The following BTBD16 variants were observed in gnomAD, a reference collection of about 807,000 sequenced individuals.
BTBD16 encodes the protein BTB domain containing 16.
BTBD16 carries 66 observed loss-of-function variants against 67.4 expected under a neutral mutation model. That is an observed-to-expected ratio of 0.98 (90% CI 0.80 to 1.20). BTBD16 has a LOEUF of 1.20. BTBD16 is among the 50% of genes most tolerant of loss of function. The pLI, the probability that BTBD16 is intolerant of heterozygous loss-of-function variation, is 0.00. For synonymous variants in BTBD16, 242 were observed against 236.4 expected (o/e 1.02, Z -0.22); for missense variants, 634 against 616.0 (o/e 1.03, Z -0.31).
chr10:122,336,948 G>T (rs183627689), intron 15 of BTBD16, among the ~76,000 whole-genome samples: 6 of 152,248 alleles, frequency 3.9e-5, no homozygotes, highest in Admixed American at 3.9e-4. Flanking sequence ...AGCATCAAAG[G>T]GTATTTTTTT....
At chr10:122,324,823 A>G (rs1040764299) in intron 10 of BTBD16, among the ~76,000 whole-genome samples, 3 of 152,160 alleles carry the variant, frequency 2.0e-5, no homozygotes, top group Non-Finnish European at 2.9e-5. Flanking sequence ...CACTTCCGCC[A>G]TGTTGCTTCT....
chr10:122,310,297 T>C (rs2096411498), intron 10 of BTBD16, among the ~76,000 whole-genome samples: 1 of 152,238 alleles, frequency 6.6e-6, no homozygotes. Flanking sequence ...GTGTCTATCC[T>C]GGCTGCAGGA....
chr10:122,284,673 ATTTTT>A (rs60823097), intron 4 of BTBD16, among the ~76,000 whole-genome samples: 5 of 124,690 alleles, frequency 4.0e-5, no homozygotes, highest in Admixed American at 1.7e-4. Flanking sequence ...CTTAAAGTGG[ATTTTT>A]TTTTTTTTTT....
intron 10 of BTBD16, among the ~76,000 whole-genome samples, chr10:122,322,251 C>G (rs1246452603): frequency 6.6e-6 from 1 of 152,044 alleles, no homozygotes; most frequent in Non-Finnish European, 1.5e-5. Flanking sequence ...TTTTTCTAAC[C>G]TCTTGAAATG....
At position 122,299,023 on chromosome 10, in the gene BTBD16, C is replaced by A; in HGVS notation, c.680C>A (p.Thr227Asn). The A allele has an allele frequency of 6.2e-7, 1 of 1,614,000 alleles. No homozygotes were observed. Among genetic ancestry groups the A allele is most frequent in the Non-Finnish European group, 8.5e-7 (1 of 1,180,016 alleles). ...AGCKYKEEQL[T>N]TGCEKWLEMN... ...TCTTAGTACAAGGAAGAGCAGCTCA[C>A]CACCGGCTGCGAGAAGTGGCTGGAA... Residue 227 changes from threonine (T) to asparagine (N), a missense_variant, in exon 9 of 16, where the codon ACC (threonine) becomes AAC (asparagine). Physicochemically the swap from Thr to Asn is moderately conservative, Grantham distance 65. Transcript: ENST00000260723.
chr10:122,318,653 T>C (rs2142113115), intron 10 of BTBD16, among the ~76,000 whole-genome samples: 1 of 152,336 alleles, frequency 6.6e-6, no homozygotes, highest in East Asian at 1.9e-4. Context: ...TGGCATGATC[T>C]TGGCTCACTG....
chr10:122,280,641 A>G (rs2096351076), intron 3 of BTBD16, among the ~76,000 whole-genome samples: 1 of 151,538 alleles, frequency 6.6e-6, no homozygotes. Context: ...TAGTTCTGGG[A>G]TAGTGGGACT....
chr10:122,316,354 C>A (rs2142108417), intron 10 of BTBD16, among the ~76,000 whole-genome samples: 1 of 152,340 alleles, frequency 6.6e-6, no homozygotes, highest in African/African-American at 2.4e-5. Context: ...AAACACAGAT[C>A]TGCTTCTATC....
chr10:122,274,109 C>T (rs1039159547), intron 1 of BTBD16, among the ~76,000 whole-genome samples: 6 of 152,178 alleles, frequency 3.9e-5, no homozygotes, highest in Non-Finnish European at 7.4e-5. Flanking sequence ...CATCAAGTGC[C>T]GTGGCTTCTG....
intron 3 of BTBD16, among the ~76,000 whole-genome samples, chr10:122,281,450 T>G (rs1034588687): frequency 1.3e-5 from 2 of 151,838 alleles, no homozygotes; most frequent in African/African-American, 4.8e-5. Flanking sequence ...AGGCAATGGC[T>G]ATTCACAGGC....
intron 1 of BTBD16, among the ~76,000 whole-genome samples, chr10:122,274,817 A>C (rs978946904): frequency 2.6e-5 from 4 of 151,958 alleles, no homozygotes; most frequent in Non-Finnish European, 5.9e-5. Flanking sequence ...TCCCAGAACA[A>C]TAGCAGAGAT....
chr10:122,300,696 G>C (rs536838744), intron 9 of BTBD16, among the ~76,000 whole-genome samples: 144 of 152,196 alleles, frequency 9.5e-4, no homozygotes, highest in African/African-American at 3.4e-3. Flanking sequence ...CTTCAGTGCT[G>C]TTTAGGACCA....
At chr10:122,334,769 G>A (rs974114640) in intron 13 of BTBD16, 112 bp from the exon 14 acceptor site, 25 of 625,588 alleles carry the variant, frequency 4.0e-5, no homozygotes, top group Middle Eastern at 2.6e-4. Context: ...TGATCTGCCC[G>A]CCTCAGCCTC....
At chr10:122,310,554 G>A (rs1300643693) in intron 10 of BTBD16, among the ~76,000 whole-genome samples, 3 of 152,142 alleles carry the variant, frequency 2.0e-5, no homozygotes, top group African/African-American at 7.2e-5. Flanking sequence ...AGGGGCAAAG[G>A]GAGCAGCTAA....
intron 10 of BTBD16, among the ~76,000 whole-genome samples, chr10:122,325,701 A>C (rs564958518): frequency 1.3e-5 from 2 of 150,508 alleles, no homozygotes; most frequent in East Asian, 3.9e-4. Context: ...TTTGAGATGG[A>C]GTCTCGCTGT....
At chr10:122,289,774 A>G in intron 5 of BTBD16, 135 bp from the exon 6 acceptor site, 1 of 537,100 alleles carries the variant, frequency 1.9e-6, no homozygotes, top group South Asian at 2.9e-5. Context: ...AATTAATTAC[A>G]TCTATGAAAC....
chr10:122,312,728 G>T (rs567447497), intron 10 of BTBD16, among the ~76,000 whole-genome samples: 2 of 152,228 alleles, frequency 1.3e-5, no homozygotes, highest in Non-Finnish European at 2.9e-5. Flanking sequence ...TAGCCATTGG[G>T]TATCTTTTTA....
chr10:122,316,577 G>A (rs2096424898), intron 10 of BTBD16, among the ~76,000 whole-genome samples: 1 of 152,104 alleles, frequency 6.6e-6, no homozygotes, highest in African/African-American at 2.4e-5. Context: ...TGTACAGCAT[G>A]TTCCTGTACT....
chr10:122,329,677 C>T, intron 11 of BTBD16, 106 bp downstream of exon 11: 1 of 910,858 alleles, frequency 1.1e-6, no homozygotes. Context: ...AAGGGAATCA[C>T]CTGAATCGTG....
Sources: gnomAD v4.1 joint callset for allele counts (sites outside exome capture counted in the v4.1 genomes callset) on GRCh38, gnomAD v4.1.1 for gene constraint, MANE v1.5 for transcripts, NCBI Gene and HGNC (gene_info 2026-07-23, HGNC 2026-07-21) for gene names.